UGT1A4: variants seen among roughly 807,000 people sequenced by gnomAD.
UGT1A4 encodes the protein UDP-glucuronosyltransferase 1A4.
A neutral mutation model predicts 41.1 loss-of-function variants in UGT1A4; 32 were observed. The ratio of observed to expected loss-of-function variants is 0.78; its 90% CI spans 0.59 to 1.05. The LOEUF (loss-of-function observed/expected upper bound fraction) is 1.05, where lower values mean the gene tolerates loss of function less well. Ranked by LOEUF, UGT1A4 falls within the 50% of genes least tolerant of loss-of-function variation. The pLI is 0.00. For synonymous variants in UGT1A4, 283 were observed against 265.1 expected (o/e 1.07, Z -0.66); for missense variants, 748 against 677.4 (o/e 1.10, Z -1.16).
chr2:233,756,324 A>G lies in UGT1A4; in HGVS notation c.868-10710A>G, dbSNP rs548800161. On this transcript the variant is annotated intron_variant, in intron 1 of 4. Coordinates refer to ENST00000373409, the MANE Select transcript of UGT1A4 (RefSeq NM_007120.3). The stretch of plus-strand genomic sequence containing the variant: ...ATAACCTACCCATATCCTCCTTTAA[A>G]CCTCTAGTCATCTCTTGATTACTTT... 5.1e-4 allele frequency: 77 copies of G among 152,086 alleles called. 1 individual carries two copies. Among genetic ancestry groups the G allele is most frequent in the Middle Eastern group, 3.4e-3 (1 of 294 alleles). 9.4% of individuals were successfully genotyped at this position (152,086 alleles called of 1,614,324 possible).
chr2:233,769,507 T>C lies in UGT1A4; in HGVS notation c.1307+1068T>C. 6.2e-7 allele frequency: 1 copy of C among 1,612,744 alleles called. No homozygotes were observed. Among genetic ancestry groups the C allele is most frequent in the South Asian group, 1.1e-5 (1 of 91,058 alleles). The stretch of plus-strand genomic sequence containing the variant: ...TGTGTTTATGAGAGTGTCCATTGCT[T>C]TCTCCCATGGTTACCTCCTTTAGAA... On this transcript the variant is annotated intron_variant, in intron 4 of 4. Coordinates refer to ENST00000373409, the MANE Select transcript of UGT1A4 (RefSeq NM_007120.3). This position sits in a 1 kb window ranked among gnomAD's most constrained non-coding sequence, Gnocchi z 4.4.
chr2:233,721,761 G>A, intron 1 of UGT1A4: 1 of 472,552 alleles, frequency 2.1e-6, no homozygotes. Flanking sequence ...CATCTAAATT[G>A]TTATATTTAG....
At chr2:233,735,337 C>CT (rs939538517) in intron 1 of UGT1A4, among the ~76,000 whole-genome samples, 10 of 150,780 alleles carry the variant, frequency 6.6e-5, no homozygotes, top group South Asian at 2.1e-4. Context: ...GCAACCCCTG[C>CT]TTTTTTTTTG....
At chr2:233,766,958 T>C in intron 1 of UGT1A4, 76 bp from the exon 2 acceptor site, 1 of 1,605,414 alleles carries the variant, frequency 6.2e-7, no homozygotes, top group Non-Finnish European at 8.5e-7. Context: ...GGAAGATATC[T>C]AATTCATAAC....
At chr2:233,752,715 G>T (rs1184638783) in intron 1 of UGT1A4, among the ~76,000 whole-genome samples, 2 of 152,110 alleles carry the variant, frequency 1.3e-5, no homozygotes, top group African/African-American at 4.8e-5. Flanking sequence ...ATCTTGCCTA[G>T]GCAACAGCTA....
chr2:233,756,308 C>T (rs147116295), intron 1 of UGT1A4: 65 of 152,294 alleles, frequency 4.3e-4, no homozygotes, highest in African/African-American at 1.5e-3. Context: ...TATAACCTAC[C>T]CATATCCTCC....
chr2:233,730,336 A>G (rs552905312), intron 1 of UGT1A4, among the ~76,000 whole-genome samples: 1 of 152,310 alleles, frequency 6.6e-6, no homozygotes, highest in African/African-American at 2.4e-5. Flanking sequence ...TACGTTTGGA[A>G]CTGATCCATC....
chr2:233,739,406 C>T (rs1344467177), intron 1 of UGT1A4, among the ~76,000 whole-genome samples: 1 of 152,190 alleles, frequency 6.6e-6, no homozygotes, highest in Non-Finnish European at 1.5e-5. Context: ...CAATGCCACC[C>T]TCTGAAAGCA....
At chr2:233,748,132 A>T in intron 1 of UGT1A4, 1 of 1,610,152 alleles carries the variant, frequency 6.2e-7, no homozygotes, top group Middle Eastern at 2.1e-4. Flanking sequence ...CAGTTTTTAA[A>T]AATTGTATTT....
At chr2:233,744,043 CA>C (rs1402567766) in intron 1 of UGT1A4, 4 of 743,574 alleles carry the variant, frequency 5.4e-6, no homozygotes, top group Non-Finnish European at 7.6e-6. Flanking sequence ...GACGCAGCCA[CA>C]TCTCATTGGT....
intron 1 of UGT1A4, chr2:233,747,121 A>G (rs1359670371): frequency 1.4e-6 from 2 of 1,477,058 alleles, no homozygotes; most frequent in African/African-American, 2.8e-5. Flanking sequence ...TGATTTGCTA[A>G]GTGGCTCAGT....
Position 233,769,524 on chromosome 2 carries a change from C to T in UGT1A4, c.1307+1085C>T. On this transcript the variant is annotated intron_variant, in intron 4 of 4. Coordinates refer to ENST00000373409, the MANE Select transcript of UGT1A4 (RefSeq NM_007120.3). The surrounding 1 kb of genome is among the most constrained non-coding windows in gnomAD (Gnocchi z 4.4). ...CCATTGCTTTCTCCCATGGTTACCT[C>T]CTTTAGAAAGAAGCAGCAGTCAGGA... 1 of 1,612,860 alleles carries T rather than the reference C, an allele frequency of 6.2e-7. No homozygotes were observed.
chr2:233,761,009 A>T, intron 1 of UGT1A4: 2 of 1,614,002 alleles, frequency 1.2e-6, no homozygotes, highest in Non-Finnish European at 1.7e-6. Flanking sequence ...CTTCAGAGAG[A>T]GGTGACTGTC....
chr2:233,724,295 C>T (rs2077211883), intron 1 of UGT1A4, among the ~76,000 whole-genome samples: 1 of 145,404 alleles, frequency 6.9e-6, no homozygotes, highest in Non-Finnish European at 1.5e-5. Context: ...GGGCTGACCC[C>T]CCCACCTCCC....
At chr2:233,754,017 T>C (rs1254861079) in intron 1 of UGT1A4, among the ~76,000 whole-genome samples, 1 of 152,250 alleles carries the variant, frequency 6.6e-6, no homozygotes, top group African/African-American at 2.4e-5. Flanking sequence ...ACAGCCATGA[T>C]AGGAAACGAA....
rs8330 is a variant in UGT1A4 at position 233,772,999 on chromosome 2, G to C, written c.*440G>C. ...ATAATGGTCAGTCCTCATCTCTGTC[G>C]TGCTTCATAGGTGCCACCTTGTGTG... On this transcript the variant is annotated 3_prime_UTR_variant, in exon 5 of 5. Transcript: ENST00000373409. 179,059 of 238,554 alleles carry C rather than the reference G, an allele frequency of 0.75. 68,191 individuals carry two copies. Among genetic ancestry groups the C allele is most frequent in the East Asian group, 0.88 (8,737 of 9,894 alleles). The allele number at this position is 238,554 out of a possible 1,614,324, so 14.8% of individuals were successfully genotyped here.
intron 1 of UGT1A4, among the ~76,000 whole-genome samples, chr2:233,740,002 A>AAGTG (rs1284523350): frequency 6.6e-6 from 1 of 151,788 alleles, no homozygotes; most frequent in Admixed American, 6.5e-5. Context: ...TTGTCATACT[A>AAGTG]AGTGAGTTCT....
intron 1 of UGT1A4, among the ~76,000 whole-genome samples, chr2:233,734,963 T>A (rs1419315489): frequency 6.6e-6 from 1 of 152,234 alleles, no homozygotes; most frequent in Non-Finnish European, 1.5e-5. Context: ...ATAAGTGTGA[T>A]GTGGTGCTGA....
At chr2:233,724,842 G>C (rs2077321270) in intron 1 of UGT1A4, among the ~76,000 whole-genome samples, 1 of 132,456 alleles carries the variant, frequency 7.5e-6, no homozygotes, top group Non-Finnish European at 1.6e-5. Flanking sequence ...GGAGGCCAAG[G>C]CAGGCGGCTG....
Sources: gnomAD v4.1 joint callset for allele counts (sites outside exome capture counted in the v4.1 genomes callset) on GRCh38, gnomAD v4.1.1 for gene constraint, Gnocchi (gnomAD v3.1) non-coding constraint, MANE v1.5 for transcripts, NCBI Gene and HGNC (gene_info 2026-07-23, HGNC 2026-07-21) for gene names.